The following DNAH9 variants were observed in gnomAD, a reference collection of about 807,000 sequenced individuals.
DNAH9 encodes the protein DNAH9 variant protein.
A neutral mutation model predicts 471.6 loss-of-function variants in DNAH9; 345 were observed. The observed-to-expected ratio is 0.73, with a 90% CI of 0.67 to 0.80. DNAH9 has a LOEUF of 0.80. DNAH9 is among the 30% of genes least tolerant of loss of function. DNAH9 has a pLI of 0.00. For synonymous variants in DNAH9, 2,093 were observed against 2,123.6 expected, an observed-to-expected ratio of 0.99 and a Z score of 0.40; for missense variants, 5,407 against 5,609.2, an observed-to-expected ratio of 0.96 and a Z score of 1.15.
chr17:11,668,441 C>T (rs563256435), intron 15 of DNAH9, among the ~76,000 whole-genome samples: 6 of 152,084 alleles, frequency 3.9e-5, no homozygotes, highest in South Asian at 4.2e-4. Flanking sequence ...CCAAGGCGGG[C>T]GAATCACGAG....
At chr17:11,921,613 T>C (rs948685004) in intron 61 of DNAH9, among the ~76,000 whole-genome samples, 2 of 152,206 alleles carry the variant, frequency 1.3e-5, no homozygotes, top group African/African-American at 2.4e-5. Context: ...ATAAGCCATC[T>C]GAGAGCCTCA....
intron 43 of DNAH9, among the ~76,000 whole-genome samples, chr17:11,799,562 A>G (rs749304334): frequency 6.8e-6 from 1 of 147,084 alleles, no homozygotes; most frequent in Non-Finnish European, 1.5e-5. Context: ...ACAAAATCTC[A>G]CTCGGGCTAG....
At chr17:11,715,643 C>T (rs1037534647) in intron 26 of DNAH9, among the ~76,000 whole-genome samples, 5 of 152,200 alleles carry the variant, frequency 3.3e-5, no homozygotes, top group African/African-American at 1.2e-4. Flanking sequence ...GCCAGGATCT[C>T]TCTTCCTTAA....
At chr17:11,705,223 G>A (rs769469030) in intron 26 of DNAH9, 38 bp downstream of exon 26, 1 of 1,600,028 alleles carries the variant, frequency 6.2e-7, no homozygotes, top group East Asian at 2.2e-5. Flanking sequence ...CCTTACTGCT[G>A]TCTGGTTCAG....
rs536339414 is a variant in DNAH9, at chr17:11,623,201, C to A, written c.1350+3420C>A. Among the ~76,000 whole-genome samples the A allele has an allele frequency of 4.6e-4, 70 of 151,944 alleles. No homozygotes were observed. The highest frequency in any genetic ancestry group is 1.7e-3 in the African/African-American group (70 of 41,452). On this transcript the variant is annotated intron_variant, in intron 6 of 68. Coordinates refer to ENST00000262442, the MANE Select transcript of DNAH9 (RefSeq NM_001372.4). This position sits in a 1 kb window ranked among gnomAD's most constrained non-coding sequence, Gnocchi z 4.1. ...GTTGGTCAGGCTGGTCTTGAACTCC[C>A]AACCTCAGGAGATCCACCCAGCTTG... is the stretch of plus-strand genomic sequence containing the variant.
intron 19 of DNAH9, among the ~76,000 whole-genome samples, chr17:11,687,477 CAA>C (rs1567718442): frequency 6.6e-6 from 1 of 152,212 alleles, no homozygotes; most frequent in African/African-American, 2.4e-5. Context: ...AGTTGAAAAA[CAA>C]GAGTTTGTAT....
At chr17:11,804,115 T>C (rs77126900) in intron 43 of DNAH9, among the ~76,000 whole-genome samples, 8,596 of 152,296 alleles carry the variant, frequency 0.056, 298 homozygotes, top group African/African-American at 0.082. Context: ...GTATATGTAC[T>C]CTTCAGACAT....
chr17:11,943,168 A>G (rs1275253571), intron 67 of DNAH9, among the ~76,000 whole-genome samples: 1 of 151,878 alleles, frequency 6.6e-6, no homozygotes, highest in Non-Finnish European at 1.5e-5. Context: ...TGCTGGGATT[A>G]TAGGTGTGAG....
chr17:11,950,583 G>A lies in DNAH9; in HGVS notation c.12843+8098G>A, dbSNP rs1008117564. On this transcript the variant is annotated intron_variant, in intron 67 of 68. Coordinates refer to ENST00000262442, the MANE Select transcript of DNAH9 (RefSeq NM_001372.4). ...TGGGGTCTCACTATGTTGCCAGGCT[G>A]GTCTCCAACTACTGGTGTGAAACGA... Among the ~76,000 whole-genome samples, 3 of 151,938 alleles carry A rather than the reference G, an allele frequency of 2.0e-5. No individual in the cohort carries two copies. In the South Asian group the frequency reaches 6.2e-4, roughly 32 times the overall value.
chr17:11,650,833 T>C (rs1435911797), intron 12 of DNAH9, among the ~76,000 whole-genome samples: 1 of 152,222 alleles, frequency 6.6e-6, no homozygotes, highest in African/African-American at 2.4e-5. Context: ...TCTCAGGTTT[T>C]CCTCTTCTTT....
At chr17:11,726,113 TTCC>T (rs1341787454) in intron 27 of DNAH9, among the ~76,000 whole-genome samples, 1 of 152,128 alleles carries the variant, frequency 6.6e-6, no homozygotes, top group Non-Finnish European at 1.5e-5. Flanking sequence ...TTCCATAATC[TTCC>T]TCCTCCTGGA....
At chr17:11,725,824 G>A (rs550530975) in intron 27 of DNAH9, among the ~76,000 whole-genome samples, 65 of 152,084 alleles carry the variant, frequency 4.3e-4, no homozygotes, top group African/African-American at 1.4e-3. Flanking sequence ...CTGAGATTGC[G>A]CCACTGCACT....
At position 11,626,653 on chromosome 17, in the gene DNAH9, T is replaced by G. The variant is rs2072975926; in HGVS notation, c.1351-2764T>G. On this transcript the variant is annotated intron_variant, in intron 6 of 68. Coordinates refer to ENST00000262442, the MANE Select transcript of DNAH9 (RefSeq NM_001372.4). The surrounding 1 kb of genome is among the most constrained non-coding windows in gnomAD (Gnocchi z 4.3). ...TATGGTGAGGTCACATCTACTTCTTTGTCCCATTCACTCATTTGCCTTCAT... is the reference window on the plus strand; with the variant it reads ...TATGGTGAGGTCACATCTACTTCTTGGTCCCATTCACTCATTTGCCTTCAT... 6.6e-6 allele frequency among the ~76,000 whole-genome samples: 1 copy of G among 152,214 alleles called. No homozygotes were observed. Among genetic ancestry groups the G allele is most frequent in the Admixed American group, 6.5e-5 (1 of 15,280 alleles).
intron 28 of DNAH9, among the ~76,000 whole-genome samples, chr17:11,737,863 T>C (rs1020398810): frequency 6.6e-6 from 1 of 152,188 alleles, no homozygotes; most frequent in Admixed American, 6.5e-5. Flanking sequence ...GGGATGGCTA[T>C]GAGGAGTTAA....
At chr17:11,781,848 C>CAA (rs1393158154) in intron 39 of DNAH9, among the ~76,000 whole-genome samples, 4 of 122,288 alleles carry the variant, frequency 3.3e-5, no homozygotes, top group African/African-American at 6.5e-5. Context: ...AAAAAACAAA[C>CAA]AAAAAAAAAA....
chr17:11,963,851 A>C (rs965651062), intron 68 of DNAH9, among the ~76,000 whole-genome samples: 5 of 152,200 alleles, frequency 3.3e-5, no homozygotes, highest in Non-Finnish European at 7.3e-5. Flanking sequence ...AAAACAAAGA[A>C]GACCATGTAG....
intron 41 of DNAH9, among the ~76,000 whole-genome samples, chr17:11,788,347 T>C (rs1402371390): frequency 3.9e-5 from 6 of 152,138 alleles, no homozygotes. Context: ...TAATAAACTT[T>C]TATCAAAGTG....
intron 32 of DNAH9, among the ~76,000 whole-genome samples, chr17:11,750,528 T>G (rs2150849003): frequency 6.6e-6 from 1 of 152,282 alleles, no homozygotes; most frequent in Non-Finnish European, 1.5e-5. Context: ...AAAATGTAAT[T>G]GGCTACAGAG....
At chr17:11,816,572 T>C (rs1597688162) in intron 45 of DNAH9, among the ~76,000 whole-genome samples, 1 of 152,222 alleles carries the variant, frequency 6.6e-6, no homozygotes, top group Non-Finnish European at 1.5e-5. Context: ...AATTTTTTTT[T>C]AAACTATCAG....
Sources: allele counts gnomAD v4.1 joint callset (sites outside exome capture counted in the v4.1 genomes callset), GRCh38; gene constraint gnomAD v4.1.1; non-coding constraint Gnocchi (gnomAD v3.1); transcripts MANE v1.5; gene names NCBI Gene and HGNC (gene_info 2026-07-23, HGNC 2026-07-21).